The following AGBL4 variants were observed in gnomAD, a reference collection of about 807,000 sequenced individuals.
The protein encoded by AGBL4 is AGBL carboxypeptidase 4, also known as cytosolic carboxypeptidase 6.
AGBL4 carries 58 observed loss-of-function variants against 66.4 expected under a neutral mutation model. The ratio of observed to expected loss-of-function variants is 0.87; its 90% confidence interval spans 0.71 to 1.09. AGBL4 has a LOEUF of 1.09. Among genes scored for constraint, AGBL4 ranks in the 50% least tolerant of loss-of-function variants. AGBL4 has a pLI of 0.00. For missense variants in AGBL4, 579 were observed against 631.0 expected (o/e 0.92, Z 0.88); for synonymous variants, 234 against 222.9 (o/e 1.05, Z -0.44).
At position 49,040,278 on chromosome 1, in the gene AGBL4, T is replaced by C. The variant is rs991423593; in HGVS notation, c.594+5306A>G. 9.2e-5 allele frequency among the ~76,000 whole-genome samples: 14 copies of C among 152,104 alleles called. No homozygotes were observed. The East Asian group carries it at 2.1e-3, about 23-fold the overall frequency. On this transcript the variant is annotated intron_variant, in intron 5 of 13. Transcript: ENST00000371839. ...TACAAATTAAAACCATAAGGAGATA[T>C]ACCCACTAAAAGGCTATAATAAAAA...
intron 3 of AGBL4, among the ~76,000 whole-genome samples, chr1:49,686,372 T>C (rs914492710): frequency 2.0e-5 from 3 of 152,190 alleles, no homozygotes; most frequent in African/African-American, 4.8e-5. Flanking sequence ...CAGAGAACAA[T>C]GCCATTGGCC....
intron 6 of AGBL4, among the ~76,000 whole-genome samples, chr1:48,699,771 C>A (rs555762402): frequency 2.0e-5 from 3 of 152,102 alleles, no homozygotes; most frequent in Non-Finnish European, 4.4e-5. Context: ...GCTTCCTTCC[C>A]GTTTCTATCT....
At chr1:49,849,762 T>G (rs1159999977) in intron 2 of AGBL4, among the ~76,000 whole-genome samples, 2 of 152,154 alleles carry the variant, frequency 1.3e-5, no homozygotes, top group Non-Finnish European at 2.9e-5. Flanking sequence ...CTGAGTTTTT[T>G]TGTAAAGGAT....
At chr1:49,197,288 C>A (rs977873848) in intron 4 of AGBL4, among the ~76,000 whole-genome samples, 1 of 152,192 alleles carries the variant, frequency 6.6e-6, no homozygotes, top group Non-Finnish European at 1.5e-5. Flanking sequence ...TTACCATGAG[C>A]AGGCTCATGA....
intron 1 of AGBL4, among the ~76,000 whole-genome samples, chr1:49,948,024 A>ATG (rs1189103164): frequency 1.2e-5 from 1 of 84,936 alleles, no homozygotes; most frequent in Admixed American, 1.7e-4. Flanking sequence ...ATAAATATAT[A>ATG]TAAATATATA....
chr1:48,956,939 T>G (rs1007010654), intron 5 of AGBL4, among the ~76,000 whole-genome samples: 1 of 152,162 alleles, frequency 6.6e-6, no homozygotes, highest in African/African-American at 2.4e-5. Flanking sequence ...TATTTAATTT[T>G]TAAATATTTC....
chr1:48,762,612 TTTTGTGTGTGTGTGTGTGTG>T (rs199513362), intron 6 of AGBL4, among the ~76,000 whole-genome samples: 16 of 127,984 alleles, frequency 1.3e-4, no homozygotes, highest in East Asian at 9.9e-4. Context: ...TCTTTAAGGG[TTTTGTGTGTGTGTGTGTGTG>T]TGTGTGTGTG....
At chr1:49,363,881 TC>T (rs1487871625) in intron 3 of AGBL4, among the ~76,000 whole-genome samples, 1 of 152,180 alleles carries the variant, frequency 6.6e-6, no homozygotes, top group East Asian at 1.9e-4. Context: ...CTCAAAGAGC[TC>T]ATAGCTGTAC....
chr1:49,925,860 G>T (rs1652715610), intron 1 of AGBL4, among the ~76,000 whole-genome samples: 1 of 152,198 alleles, frequency 6.6e-6, no homozygotes, highest in Admixed American at 6.5e-5. Context: ...AGCCACAGTA[G>T]AATAAAGTGC....
intron 2 of AGBL4, among the ~76,000 whole-genome samples, chr1:49,714,276 C>CTGGA (rs1647902613): frequency 6.6e-6 from 1 of 151,820 alleles, no homozygotes; most frequent in Non-Finnish European, 1.5e-5. Context: ...GGGATGAAGT[C>CTGGA]TGGATTTTCA....
chr1:49,851,362 C>T (rs1473424595), intron 2 of AGBL4, 34 bp downstream of exon 2: 11 of 1,513,696 alleles, frequency 7.3e-6, no homozygotes, highest in Middle Eastern at 1.7e-4. Context: ...CCTTACCAGA[C>T]AAACTTAAAA....
intron 4 of AGBL4, among the ~76,000 whole-genome samples, chr1:49,188,985 A>G (rs950174738): frequency 1.3e-5 from 2 of 152,168 alleles, no homozygotes; most frequent in African/African-American, 4.8e-5. Flanking sequence ...CACTATGTTG[A>G]GAAGGTTTCT....
intron 1 of AGBL4, among the ~76,000 whole-genome samples, chr1:50,009,034 A>G (rs1661338132): frequency 6.6e-6 from 1 of 152,202 alleles, no homozygotes; most frequent in African/African-American, 2.4e-5. Flanking sequence ...GAAAAGCCCA[A>G]GACCTGATGG....
intron 5 of AGBL4, among the ~76,000 whole-genome samples, chr1:48,870,417 C>T (rs1648537971): frequency 6.6e-6 from 1 of 152,100 alleles, no homozygotes; most frequent in Non-Finnish European, 1.5e-5. Flanking sequence ...GTTCCCAGAA[C>T]AAAGGTCTGG....
At chr1:48,622,887 A>G (rs756873964) in intron 9 of AGBL4, among the ~76,000 whole-genome samples, 6 of 152,186 alleles carry the variant, frequency 3.9e-5, no homozygotes, top group Admixed American at 2.0e-4. Context: ...TTAATCTTCA[A>G]AACAACTCCT....
intron 6 of AGBL4, among the ~76,000 whole-genome samples, chr1:48,702,758 AG>A (rs1349903804): frequency 2.0e-5 from 3 of 152,306 alleles, no homozygotes; most frequent in African/African-American, 7.2e-5. Context: ...GCTGCAGGGA[AG>A]GAGGGTCTTT....
chr1:49,775,694 A>G (rs1318984532), intron 2 of AGBL4, among the ~76,000 whole-genome samples: 1 of 152,118 alleles, frequency 6.6e-6, no homozygotes, highest in East Asian at 1.9e-4. Flanking sequence ...TCATCAATAT[A>G]TTATAGACTT....
At chr1:48,522,590 G>A in the AGBL4 span, among the ~76,000 whole-genome samples, 5 of 152,194 alleles carry the variant, frequency 3.3e-5, no homozygotes, top group South Asian at 2.1e-4. Flanking sequence ...CCTACTGCAC[G>A]GTGATGTTAA....
chr1:49,459,980 C>T (rs1249377085), intron 3 of AGBL4, among the ~76,000 whole-genome samples: 1 of 151,466 alleles, frequency 6.6e-6, no homozygotes, highest in African/African-American at 2.4e-5. Flanking sequence ...TGAGAGAGTA[C>T]TTGATACAAT....
Sources: gnomAD v4.1 joint callset for allele counts (sites outside exome capture counted in the v4.1 genomes callset) on GRCh38, gnomAD v4.1.1 for gene constraint, MANE v1.5 for transcripts, NCBI Gene and HGNC (gene_info 2026-07-23, HGNC 2026-07-21) for gene names.